The following CREBBP variants were observed in gnomAD, a reference collection of about 807,000 sequenced individuals.
CREBBP encodes the protein CREB-binding protein.
CREBBP carries 19 observed loss-of-function variants against 265.0 expected under a neutral mutation model. The observed-to-expected ratio is 0.07, with a 90% CI of 0.05 to 0.11. The LOEUF is 0.11. Ranked by LOEUF, CREBBP falls within the 10% of genes least tolerant of loss-of-function variation. CREBBP has a pLI of 1.00. For missense variants in CREBBP, 2,525 were observed against 3,219.0 expected, an observed-to-expected ratio of 0.78 and a Z score of 5.22; for synonymous variants, 1,457 against 1,223.7, an observed-to-expected ratio of 1.19 and a Z score of -3.98.
intron 2 of CREBBP, among the ~76,000 whole-genome samples, chr16:3,820,454 C>T (rs2054120282): frequency 6.6e-6 from 1 of 152,196 alleles, no homozygotes; most frequent in Non-Finnish European, 1.5e-5. Context: ...GTCTTATGTG[C>T]TGCCAACCTG....
chr16:3,727,581 T>C lies in CREBBP; in HGVS notation c.*137A>G. On this transcript the variant is annotated 3_prime_UTR_variant, in exon 31 of 31. Coordinates refer to ENST00000262367, the MANE Select transcript of CREBBP (RefSeq NM_004380.3). ...ACAAAAAAATATATTCTTTGTATTG[T>C]TTCTTTAAACATCAATCCACCCTTC... 2 of 1,418,996 alleles carry C rather than the reference T, an allele frequency of 1.4e-6. No homozygotes were observed. Among genetic ancestry groups the C allele is most frequent in the Non-Finnish European group, 1.9e-6 (2 of 1,048,594 alleles). The allele number at this position is 1,418,996 out of a possible 1,614,324, so 87.9% of individuals were successfully genotyped here. A position where few individuals can be genotyped will look rare whatever the true frequency, so the allele number is the denominator to read the frequency against.
At chr16:3,806,586 C>T (rs2053835343) in intron 3 of CREBBP, among the ~76,000 whole-genome samples, 1 of 152,160 alleles carries the variant, frequency 6.6e-6, no homozygotes, top group African/African-American at 2.4e-5. Context: ...CCCACTTCTA[C>T]ACGGCATTTT....
At chr16:3,777,849 C>A in intron 10 of CREBBP, 162 bp downstream of exon 10, 2 of 1,084,388 alleles carry the variant, frequency 1.8e-6, no homozygotes, top group South Asian at 1.3e-5. Context: ...CTCAGTGTCC[C>A]AACACAGCCT....
At chr16:3,768,821 G>C (rs2052927511) in intron 15 of CREBBP, among the ~76,000 whole-genome samples, 1 of 152,184 alleles carries the variant, frequency 6.6e-6, no homozygotes, top group South Asian at 2.1e-4. Flanking sequence ...CCAGCTTTCA[G>C]CTTCTGCCAT....
Position 3,725,636 on chromosome 16 carries a change from CTTA to C in CREBBP, c.*2079_*2081del. The C allele has an allele frequency of 4.3e-6, 1 of 233,288 alleles. No homozygotes were observed. Among genetic ancestry groups the C allele is most frequent in the Non-Finnish European group, 8.5e-6 (1 of 118,052 alleles). The allele number at this position is 233,288 out of a possible 1,614,324, so 14.5% of individuals were successfully genotyped here. On this transcript the variant is annotated 3_prime_UTR_variant, in exon 31 of 31. Transcript: ENST00000262367. ...CTGGTCAGGGGTGCCAGATGGTGGTCTTATTTTTACTTGAATTATTCTGCATTT... is the reference window on the plus strand; with the variant it reads ...CTGGTCAGGGGTGCCAGATGGTGGTCTTTTTACTTGAATTATTCTGCATTT...
intron 2 of CREBBP, among the ~76,000 whole-genome samples, chr16:3,827,207 A>T (rs891106221): frequency 6.6e-6 from 1 of 151,912 alleles, no homozygotes; most frequent in Non-Finnish European, 1.5e-5. Context: ...AAAAAAAAAA[A>T]CTATGAAGGA....
At chr16:3,798,299 A>G (rs1280475487) in intron 3 of CREBBP, among the ~76,000 whole-genome samples, 1 of 152,254 alleles carries the variant, frequency 6.6e-6, no homozygotes, top group Non-Finnish European at 1.5e-5. Context: ...CCAAAAGTGC[A>G]AGTGATAAAA....
intron 3 of CREBBP, among the ~76,000 whole-genome samples, chr16:3,802,557 T>A (rs757350487): frequency 6.6e-6 from 1 of 152,140 alleles, no homozygotes; most frequent in Non-Finnish European, 1.5e-5. Context: ...GCTAAGGACA[T>A]AACAGAGATG....
At chr16:3,768,746 T>G (rs1226136325) in intron 15 of CREBBP, among the ~76,000 whole-genome samples, 1 of 152,132 alleles carries the variant, frequency 6.6e-6, no homozygotes, top group Non-Finnish European at 1.5e-5. Context: ...TATTTGCAAT[T>G]TCCTGATTTT....
Position 3,850,900 on chromosome 16 carries a change from G to C in CREBBP, c.195C>G (p.Ser65=). 6.2e-7 allele frequency: 1 copy of C among 1,614,148 alleles called. No individual in the cohort carries two copies. The highest frequency in any genetic ancestry group is 1.1e-5 in the South Asian group (1 of 91,078). The change falls in exon 2 of 31, where the codon TCC becomes TCG. Residue 65 remains serine, a synonymous_variant. Transcript: ENST00000262367. The part of the protein sequence containing the change: ...NSGNLVPDAA[S]KHKQLSELLR... ...GAAGCTCCGACAGTTGTTTATGTTTGGAAGCAGCATCTGGAACAAGGTTCC... is the reference window on the plus strand; with the variant it reads ...GAAGCTCCGACAGTTGTTTATGTTTCGAAGCAGCATCTGGAACAAGGTTCC...
At chr16:3,751,050 C>A (rs560142116) in intron 20 of CREBBP, among the ~76,000 whole-genome samples, 1 of 151,810 alleles carries the variant, frequency 6.6e-6, no homozygotes, top group African/African-American at 2.4e-5. Flanking sequence ...CAGTGAGACC[C>A]CATTTCAAAA....
intron 16 of CREBBP, among the ~76,000 whole-genome samples, chr16:3,763,228 T>G (rs1346727399): frequency 6.6e-6 from 1 of 151,770 alleles, no homozygotes; most frequent in Non-Finnish European, 1.5e-5. Context: ...CACAGCCCAC[T>G]GCATGCAAAC....
At chr16:3,754,702 G>C (rs921973578) in intron 19 of CREBBP, among the ~76,000 whole-genome samples, 1 of 152,122 alleles carries the variant, frequency 6.6e-6, no homozygotes, top group African/African-American at 2.4e-5. Flanking sequence ...CTAAAGAACA[G>C]TTTTTCCAAC....
intron 2 of CREBBP, among the ~76,000 whole-genome samples, chr16:3,836,126 A>G (rs180841166): frequency 1.3e-5 from 2 of 152,208 alleles, no homozygotes; most frequent in Admixed American, 1.3e-4. Context: ...GAGAACAGGC[A>G]AAGCAATTCA....
intron 16 of CREBBP, among the ~76,000 whole-genome samples, chr16:3,760,406 T>TTTTTTTTTTTTTTTTG (rs2052688781): frequency 7.5e-6 from 1 of 134,076 alleles, no homozygotes; most frequent in South Asian, 2.6e-4. Context: ...TTTTTTTTTT[T>TTTTTTTTTTTTTTTTG]TTTTTTTTTT....
At chr16:3,768,777 A>T (rs2052926324) in intron 15 of CREBBP, among the ~76,000 whole-genome samples, 1 of 152,180 alleles carries the variant, frequency 6.6e-6, no homozygotes, top group South Asian at 2.1e-4. Flanking sequence ...TGTGGGCCAA[A>T]CACATTTAGA....
chr16:3,762,610 C>G (rs529083386), intron 16 of CREBBP, among the ~76,000 whole-genome samples: 11 of 152,238 alleles, frequency 7.2e-5, no homozygotes, highest in African/African-American at 2.6e-4. Flanking sequence ...ACCTGCTCCA[C>G]GCGGCAGGGC....
chr16:3,832,530 C>T lies in CREBBP; in HGVS notation c.798+17767G>A, dbSNP rs1373961416. Among the ~76,000 whole-genome samples the T allele has an allele frequency of 3.9e-5, 6 of 152,258 alleles. No homozygotes were observed. In the East Asian group the frequency reaches 9.6e-4, roughly 24 times the overall value. On this transcript the variant is annotated intron_variant, in intron 2 of 30. Coordinates refer to ENST00000262367, the MANE Select transcript of CREBBP (RefSeq NM_004380.3). ...CTTAAACAAACCTAGATGGTGTAGC[C>T]TACTACACACCTAGGCTGTATGGTA... is the stretch of plus-strand genomic sequence containing the variant.
At chr16:3,857,605 C>T (rs898336633) in intron 1 of CREBBP, among the ~76,000 whole-genome samples, 12 of 152,160 alleles carry the variant, frequency 7.9e-5, no homozygotes, top group African/African-American at 2.4e-4. Flanking sequence ...CTAAGGTTCA[C>T]GATTGACAGC....
Sources: allele counts gnomAD v4.1 joint callset (sites outside exome capture counted in the v4.1 genomes callset), GRCh38; gene constraint gnomAD v4.1.1; transcripts MANE v1.5; gene names NCBI Gene and HGNC (gene_info 2026-07-23, HGNC 2026-07-21).